CFAP20DC: variants seen among roughly 807,000 people sequenced by gnomAD.
The protein encoded by CFAP20DC is CFAP20 domain containing, also known as protein CFAP20DC.
In CFAP20DC, 84 loss-of-function variants were observed where a neutral mutation model predicts 101.7. The ratio of observed to expected loss-of-function variants is 0.83; its 90% CI spans 0.69 to 0.99. The LOEUF is 0.99. Among genes scored for constraint, CFAP20DC ranks in the 50% least tolerant of loss-of-function variants. The pLI is 0.00. For synonymous variants in CFAP20DC, 359 were observed against 351.2 expected (o/e 1.02, Z -0.25); for missense variants, 1,007 against 970.3 (o/e 1.04, Z -0.50).
Position 58,722,604 on chromosome 3 carries a change from A to C in CFAP20DC, c.198-4976T>G, listed in dbSNP as rs2067488432. 6.6e-6 allele frequency among the ~76,000 whole-genome samples: 1 copy of C among 152,204 alleles called. No homozygotes were observed. The highest frequency in any genetic ancestry group is 2.4e-5 in the African/African-American group (1 of 41,458). On this transcript the variant is annotated intron_variant, in intron 3 of 3. Coordinates refer to the CFAP20DC transcript ENST00000486145. The surrounding 1 kb of genome is among the most constrained non-coding windows in gnomAD (Gnocchi z 4.5). ...CAGCTCTCCCCTTCGACGCAGGGTC[A>C]AGGCAAGACAGGGAATAAACAGGTC...
At chr3:58,872,054 G>T (rs1447591206) in intron 7 of CFAP20DC, among the ~76,000 whole-genome samples, 2 of 152,144 alleles carry the variant, frequency 1.3e-5, no homozygotes, top group Non-Finnish European at 2.9e-5. Context: ...ACAACTGAGG[G>T]GTTCTTTGTG....
chr3:58,999,209 T>G (rs1294487002), intron 4 of CFAP20DC, among the ~76,000 whole-genome samples: 3 of 152,162 alleles, frequency 2.0e-5, no homozygotes, highest in Non-Finnish European at 4.4e-5. Context: ...TTGAACAAGG[T>G]CAGTGGAACA....
At chr3:58,793,436 A>G (rs1488587941) in intron 15 of CFAP20DC, among the ~76,000 whole-genome samples, 1 of 152,194 alleles carries the variant, frequency 6.6e-6, no homozygotes. Context: ...TTATTCCAGC[A>G]AAAGAAACTA....
chr3:58,841,572 G>C (rs2077111118), intron 13 of CFAP20DC, among the ~76,000 whole-genome samples: 1 of 152,038 alleles, frequency 6.6e-6, no homozygotes, highest in Non-Finnish European at 1.5e-5. Flanking sequence ...ATTATCCAAA[G>C]GAAATGGCTT....
intron 4 of CFAP20DC, among the ~76,000 whole-genome samples, chr3:58,957,611 T>C (rs1431090002): frequency 1.3e-5 from 2 of 152,162 alleles, no homozygotes; most frequent in African/African-American, 4.8e-5. Context: ...CAAGTGTCCA[T>C]CAACAGATTA....
chr3:58,726,901 G>A (rs1042181729), intron 3 of CFAP20DC: 20 of 161,642 alleles, frequency 1.2e-4, no homozygotes, highest in African/African-American at 3.3e-4. Context: ...TTCCACTCGC[G>A]CCATCAGAAG....
intron 5 of CFAP20DC, among the ~76,000 whole-genome samples, chr3:58,915,300 C>T (rs910488931): frequency 7.9e-5 from 12 of 152,038 alleles, no homozygotes; most frequent in Non-Finnish European, 1.2e-4. Flanking sequence ...CCAGTAGATA[C>T]GCCACAGAGT....
At chr3:58,877,776 C>T (rs1285241580) in intron 7 of CFAP20DC, among the ~76,000 whole-genome samples, 1 of 152,100 alleles carries the variant, frequency 6.6e-6, no homozygotes, top group Non-Finnish European at 1.5e-5. Context: ...TTTTGTTTTG[C>T]TACCTGAAAA....
In CFAP20DC at chr3:58,806,424, T is replaced by A; in HGVS notation, c.2208A>T (p.Glu736Asp). ...GATTAGAAGGAGAAGGTGGGTTCATTTCTTTCTGATAGTGGCGACCCTGGT... is the reference window on the plus strand; with the variant it reads ...GATTAGAAGGAGAAGGTGGGTTCATATCTTTCTGATAGTGGCGACCCTGGT... ...PVNQGRHYQK[E>D]MNPPSPSNPR... The change falls in exon 15 of 17, where the codon GAA (glutamate) becomes GAT (aspartate). Residue 736 changes from glutamate (E) to aspartate (D), a missense_variant. Transcript: ENST00000482387. 5.0e-6 allele frequency: 8 copies of A among 1,612,160 alleles called. No individual in the cohort carries two copies. The highest frequency in any genetic ancestry group is 6.8e-6 in the Non-Finnish European group (8 of 1,178,224).
intron 15 of CFAP20DC, among the ~76,000 whole-genome samples, chr3:58,772,937 A>G (rs1167713097): frequency 6.6e-6 from 1 of 152,176 alleles, no homozygotes; most frequent in Non-Finnish European, 1.5e-5. Flanking sequence ...CTGGCAGTAG[A>G]AATGTAGGGT....
intron 5 of CFAP20DC, among the ~76,000 whole-genome samples, chr3:58,932,746 C>T (rs1175186040): frequency 2.0e-5 from 3 of 152,310 alleles, no homozygotes; most frequent in Non-Finnish European, 2.9e-5. Flanking sequence ...CACCACCAAG[C>T]TTGCCCTAAA....
At chr3:58,947,710 C>T (rs1351491832) in intron 4 of CFAP20DC, among the ~76,000 whole-genome samples, 2 of 152,186 alleles carry the variant, frequency 1.3e-5, no homozygotes, top group African/African-American at 2.4e-5. Context: ...TTAGGAAGCA[C>T]ATCTCCAAAA....
chr3:58,786,028 C>G (rs2072305281), intron 15 of CFAP20DC, among the ~76,000 whole-genome samples: 2 of 152,222 alleles, frequency 1.3e-5, no homozygotes, highest in South Asian at 4.2e-4. Context: ...ATGTACTGTT[C>G]TTTGTGAAAG....
chr3:58,950,562 G>T (rs1453780153), intron 4 of CFAP20DC, among the ~76,000 whole-genome samples: 1 of 152,116 alleles, frequency 6.6e-6, no homozygotes, highest in Non-Finnish European at 1.5e-5. Context: ...TCAAAACAGA[G>T]ATATAGACCA....
rs1480164735 is a variant in CFAP20DC, at chr3:58,826,526, A to G, written c.2175+5160T>C. On this transcript the variant is annotated intron_variant, in intron 14 of 16. Transcript: ENST00000482387. ...TGTGTCCATGTGTTCTCACTGTTCA[A>G]CTCTCACTTATGAGTGAGAATATGC... 2.0e-5 allele frequency among the ~76,000 whole-genome samples: 3 copies of G among 151,576 alleles called. No homozygotes were observed. In the South Asian group the frequency reaches 6.3e-4, roughly 32 times the overall value.
rs1320223849 is a variant in CFAP20DC at position 58,837,586 on chromosome 3, C to T, written c.1972-5697G>A. ...CATCAACATACAGGCTTATAATATG[C>T]ACACTTCTCTCTGATCAACAACAAA... On this transcript the variant is annotated intron_variant, in intron 13 of 16. Coordinates refer to ENST00000482387, the MANE Select transcript of CFAP20DC (RefSeq NM_001394063.1). 1.3e-5 allele frequency among the ~76,000 whole-genome samples: 2 copies of T among 152,128 alleles called. 1 individual carries two copies. Among genetic ancestry groups the T allele is most frequent in the South Asian group, 4.2e-4 (2 of 4,816 alleles).
chr3:58,846,865 T>G (rs1441026841), intron 13 of CFAP20DC, among the ~76,000 whole-genome samples: 121 of 150,456 alleles, frequency 8.0e-4, no homozygotes, highest in Non-Finnish European at 1.5e-3. Context: ...ACGCCGCATA[T>G]CTACAATTAT....
At chr3:58,890,034 T>G (rs1374670655) in intron 6 of CFAP20DC, among the ~76,000 whole-genome samples, 5 of 149,136 alleles carry the variant, frequency 3.4e-5, no homozygotes, top group Admixed American at 1.3e-4. Flanking sequence ...AAGCCGCCAT[T>G]GTCATCCTGG....
In CFAP20DC at chr3:58,842,530, G is replaced by A. The variant is rs543680450; in HGVS notation, c.1971+6502C>T. Among the ~76,000 whole-genome samples the A allele has an allele frequency of 4.0e-5, 6 of 151,620 alleles. No homozygotes were observed. In the East Asian group the frequency reaches 1.2e-3, roughly 29 times the overall value. On this transcript the variant is annotated intron_variant, in intron 13 of 16. Transcript: ENST00000482387. ...GAGGGTCCTACGCCCACGGAATCTC[G>A]CTGATTGCTAGCACAGCAGTCTGAG...
Sources: allele counts gnomAD v4.1 joint callset (sites outside exome capture counted in the v4.1 genomes callset), GRCh38; gene constraint gnomAD v4.1.1; non-coding constraint Gnocchi (gnomAD v3.1); transcripts MANE v1.5; gene names NCBI Gene and HGNC (gene_info 2026-07-23, HGNC 2026-07-21).